Variants in KRABD3 observed in about 807,000 individuals in gnomAD.
KRABD3 encodes KRAB domain containing 3, also known as KRAB domain-containing protein 3.
the KRABD3 span, among the ~76,000 whole-genome samples, chr7:149,720,512 G>A: frequency 6.6e-6 from 1 of 152,260 alleles, no homozygotes. Context: ...GGGGGTGCCA[G>A]GAAAGGCAGA....
chr7:149,725,592 C>G, the KRABD3 span: 1 of 1,207,950 alleles, frequency 8.3e-7, no homozygotes, highest in African/African-American at 1.5e-5. Flanking sequence ...TCCTGAGACA[C>G]AGGCCCGTTC....
the KRABD3 span, chr7:149,730,486 G>T: frequency 6.2e-7 from 1 of 1,609,672 alleles, no homozygotes. Context: ...GTCCTGGTGG[G>T]ACCCCTGCTG....
chr7:149,731,151 G>C, the KRABD3 span, among the ~76,000 whole-genome samples: 3 of 152,328 alleles, frequency 2.0e-5, no homozygotes, highest in South Asian at 4.1e-4. Context: ...CGAGGACGAG[G>C]AGGGAGAAGC....
At chr7:149,726,921 A>C in the KRABD3 span, among the ~76,000 whole-genome samples, 1 of 152,176 alleles carries the variant, frequency 6.6e-6, no homozygotes, top group Non-Finnish European at 1.5e-5. Context: ...AAATAAATAC[A>C]TAAAAATTTC....
At chr7:149,719,342 G>C in the KRABD3 span, 1 of 487,950 alleles carries the variant, frequency 2.0e-6, no homozygotes, top group Non-Finnish European at 3.6e-6. This position sits in a 1 kb window ranked among gnomAD's most constrained non-coding sequence, Gnocchi z 5.6. Context: ...ACTTACAGGC[G>C]TGAGGGTTAG....
the KRABD3 span, chr7:149,729,382 C>G: frequency 6.9e-7 from 1 of 1,449,358 alleles, no homozygotes. Flanking sequence ...TGAGCTGGCA[C>G]CTGCCCTCGG....
the KRABD3 span, chr7:149,721,743 G>A: frequency 1.4e-6 from 1 of 715,760 alleles, no homozygotes; most frequent in Non-Finnish European, 2.5e-6. Context: ...ATGATGCTCA[G>A]CCCCTGGGGA....
the KRABD3 span, among the ~76,000 whole-genome samples, chr7:149,725,703 C>T: frequency 1.3e-5 from 2 of 152,356 alleles, no homozygotes; most frequent in East Asian, 1.9e-4. Context: ...GAACTCTCTC[C>T]AGTCACGAGA....
the KRABD3 span, chr7:149,719,882 C>T: frequency 1.8e-5 from 23 of 1,269,184 alleles, no homozygotes; most frequent in Admixed American, 1.7e-4. The surrounding 1 kb of genome is among the most constrained non-coding windows in gnomAD (Gnocchi z 5.6). Context: ...GACCACTCTG[C>T]GGTTCTTTGA....
the KRABD3 span, among the ~76,000 whole-genome samples, chr7:149,719,267 C>T: frequency 3.9e-5 from 6 of 152,312 alleles, no homozygotes; most frequent in African/African-American, 1.4e-4. This position sits in a 1 kb window ranked among gnomAD's most constrained non-coding sequence, Gnocchi z 5.6. Flanking sequence ...GTCCCCCCTA[C>T]TTAGGAGTAT....
chr7:149,724,604 G>GTC, the KRABD3 span: 4 of 1,359,484 alleles, frequency 2.9e-6, no homozygotes, highest in Admixed American at 2.8e-5. Flanking sequence ...GATTCTCAGG[G>GTC]TGAGTCCAGG....
At chr7:149,715,463 C>A in the KRABD3 span, 1 of 624,500 alleles carries the variant, frequency 1.6e-6, no homozygotes, top group Non-Finnish European at 2.0e-6. Flanking sequence ...CTTGGGAAGC[C>A]TGCAGGTAAG....
chr7:149,716,467 T>G, the KRABD3 span, among the ~76,000 whole-genome samples: 42,380 of 152,094 alleles, frequency 0.28, 7,498 homozygotes, highest in African/African-American at 0.5. Context: ...GAAGATGAGT[T>G]TTGTAGCCCA....
chr7:149,729,250 C>T, the KRABD3 span: 130 of 1,602,762 alleles, frequency 8.1e-5, no homozygotes, highest in Admixed American at 2.9e-4. Flanking sequence ...AGCGCCCACC[C>T]GGAGCCTCCA....
At chr7:149,731,681 A>G in the KRABD3 span, 1 of 1,609,858 alleles carries the variant, frequency 6.2e-7, no homozygotes, top group Non-Finnish European at 8.5e-7. Flanking sequence ...GGTACAGCTC[A>G]GGATCCCTGC....
chr7:149,725,839 C>G, the KRABD3 span: 11 of 1,470,906 alleles, frequency 7.5e-6, no homozygotes, highest in Non-Finnish European at 9.0e-6. Flanking sequence ...CCAGGAGTCT[C>G]TTCTCCAGTG....
chr7:149,721,451 C>A, the KRABD3 span: 3 of 1,612,848 alleles, frequency 1.9e-6, no homozygotes, highest in Non-Finnish European at 1.7e-6. Flanking sequence ...TACCAGCCAG[C>A]CCCACCTGGC....
chr7:149,720,551 G>T, the KRABD3 span, among the ~76,000 whole-genome samples: 438 of 152,362 alleles, frequency 2.9e-3, 2 homozygotes, highest in Non-Finnish European at 4.7e-3. Context: ...AAGTGTAGCG[G>T]CAGCCCGCCT....
At chr7:149,721,405 T>A in the KRABD3 span, 1 of 1,608,610 alleles carries the variant, frequency 6.2e-7, no homozygotes, top group Non-Finnish European at 8.5e-7. Flanking sequence ...AGCCCTGCCC[T>A]CTCCGAGGCC....
Sources: gnomAD v4.1 joint callset for allele counts (sites outside exome capture counted in the v4.1 genomes callset) on GRCh38, gnomAD v4.1.1 for gene constraint, Gnocchi (gnomAD v3.1) non-coding constraint, MANE v1.5 for transcripts, NCBI Gene and HGNC (gene_info 2026-07-23, HGNC 2026-07-21) for gene names.